PLCB1: variants seen among roughly 807,000 people sequenced by gnomAD.
The protein encoded by PLCB1 is 1-phosphatidylinositol 4,5-bisphosphate phosphodiesterase beta-1.
Under a neutral mutation model 161.8 loss-of-function variants are expected in PLCB1, and 46 were observed. That is an observed-to-expected ratio of 0.28 (90% CI 0.22 to 0.36). The LOEUF is 0.36. Ranked by LOEUF, PLCB1 falls within the 10% of genes least tolerant of loss-of-function variation. The probability of loss-of-function intolerance (pLI) is 1.00; values close to 1 mark genes in which losing one functional copy is unlikely to be tolerated. For missense variants in PLCB1, 1,016 were observed against 1,472.5 expected, an observed-to-expected ratio of 0.69 and a Z score of 5.07; for synonymous variants, 517 against 503.7, an observed-to-expected ratio of 1.03 and a Z score of -0.35.
chr20:8,229,889 T>TA (rs1979916971), intron 2 of PLCB1, among the ~76,000 whole-genome samples: 4 of 144,432 alleles, frequency 2.8e-5, no homozygotes, highest in Non-Finnish European at 4.6e-5. Flanking sequence ...AAAATAAAAA[T>TA]AAAATAAAAA....
intron 3 of PLCB1, among the ~76,000 whole-genome samples, chr20:8,419,171 A>G (rs1411532531): frequency 6.6e-6 from 1 of 152,214 alleles, no homozygotes; most frequent in Admixed American, 6.5e-5. Context: ...TTAATTTGTT[A>G]AAAATGGAAG....
At chr20:8,788,307 A>G (rs1473380983) in intron 27 of PLCB1, 142 bp from the exon 28 acceptor site, 2 of 697,022 alleles carry the variant, frequency 2.9e-6, no homozygotes, top group South Asian at 2.0e-5. Context: ...CTCATTGCCA[A>G]TGTTAGATGT....
chr20:8,698,227 C>T (rs1025502628), intron 11 of PLCB1, among the ~76,000 whole-genome samples: 4 of 152,106 alleles, frequency 2.6e-5, no homozygotes, highest in Non-Finnish European at 5.9e-5. Context: ...CAGAATGTCC[C>T]GTTTACCCTC....
At chr20:8,468,891 C>G (rs1024307449) in intron 3 of PLCB1, among the ~76,000 whole-genome samples, 6 of 152,122 alleles carry the variant, frequency 3.9e-5, no homozygotes, top group African/African-American at 1.4e-4. Context: ...ATGACATAGT[C>G]AGGAAATATT....
At chr20:8,809,704 A>G (rs1003176738) in intron 31 of PLCB1, among the ~76,000 whole-genome samples, 4 of 152,168 alleles carry the variant, frequency 2.6e-5, no homozygotes, top group Admixed American at 6.5e-5. Flanking sequence ...TAAAAACAAA[A>G]TGAAACTTTT....
At chr20:8,581,239 T>C (rs1237841707) in intron 3 of PLCB1, among the ~76,000 whole-genome samples, 4 of 152,192 alleles carry the variant, frequency 2.6e-5, no homozygotes, top group Admixed American at 6.5e-5. Context: ...CTAGGATGTA[T>C]TCATGTAGCT....
At chr20:8,346,246 A>T (rs1289721077) in intron 2 of PLCB1, among the ~76,000 whole-genome samples, 1 of 152,006 alleles carries the variant, frequency 6.6e-6, no homozygotes, top group Non-Finnish European at 1.5e-5. Context: ...CTCTCCCTCC[A>T]TTTTTGCCTG....
At chr20:8,650,126 T>C (rs1989273360) in intron 7 of PLCB1, 1 of 152,120 alleles carries the variant, frequency 6.6e-6, no homozygotes, top group African/African-American at 2.4e-5. Context: ...AGATGACAAT[T>C]TGAAATGTGG....
chr20:8,727,455 C>A, intron 17 of PLCB1, 62 bp downstream of exon 17: 1 of 939,300 alleles, frequency 1.1e-6, no homozygotes, highest in Non-Finnish European at 1.7e-6. Flanking sequence ...GCTATTTGTT[C>A]ATTTGGTTTT....
intron 3 of PLCB1, among the ~76,000 whole-genome samples, chr20:8,475,006 C>G (rs1184832402): frequency 7.7e-6 from 1 of 129,332 alleles, no homozygotes; most frequent in African/African-American, 2.9e-5. Context: ...AGATCACACA[C>G]ACAGACACAC....
chr20:8,644,720 C>CT (rs1306321798), intron 4 of PLCB1, among the ~76,000 whole-genome samples: 18 of 151,352 alleles, frequency 1.2e-4, no homozygotes, highest in Non-Finnish European at 2.5e-4. Context: ...GTCAGCCCCC[C>CT]GCCCTGCCAG....
intron 1 of PLCB1, among the ~76,000 whole-genome samples, chr20:8,139,472 A>G (rs1368606513): frequency 6.6e-6 from 1 of 152,158 alleles, no homozygotes; most frequent in Non-Finnish European, 1.5e-5. Flanking sequence ...AATGTACAAG[A>G]TCACAGAAAG....
rs963618015 is a variant in PLCB1 at position 8,132,357 on chromosome 20, G to A, written c.-295G>A. On this transcript the variant is annotated 5_prime_UTR_variant, in exon 1 of 32. Transcript: ENST00000338037. This position sits in a 1 kb window ranked among gnomAD's most constrained non-coding sequence, Gnocchi z 5.2. ...GGAGCAGAATCCGCCGCGACTGGCA[G>A]CCTCGGCTGACCGGCTCGGCTTCTC... 4.0e-6 allele frequency: 1 copy of A among 247,630 alleles called. No homozygotes were observed. The highest frequency in any genetic ancestry group is 7.7e-6 in the Non-Finnish European group (1 of 130,562). The allele number at this position is 247,630 out of a possible 1,614,324, so 15.3% of individuals were successfully genotyped here. A position where few individuals can be genotyped will look rare whatever the true frequency, so the allele number is the denominator to read the frequency against.
rs142882378 is a variant in PLCB1 at position 8,285,259 on chromosome 20, A to T, written c.178-86123A>T. On this transcript the variant is annotated intron_variant, in intron 2 of 31. Coordinates refer to ENST00000338037, the MANE Select transcript of PLCB1 (RefSeq NM_015192.4). ...TATATATATATATTTCTATACATAT[A>T]AATATAAAATATTTCTAAATATATA... Among the ~76,000 whole-genome samples, 753 of 148,560 alleles carry T rather than the reference A, an allele frequency of 5.1e-3. 8 individuals are homozygous for T. The highest frequency in any genetic ancestry group is 0.018 in the African/African-American group (725 of 40,996).
intron 31 of PLCB1, among the ~76,000 whole-genome samples, chr20:8,852,009 C>T (rs544274195): frequency 2.2e-4 from 33 of 152,214 alleles, no homozygotes; most frequent in South Asian, 8.3e-4. Context: ...TTTAAAAACC[C>T]GACTACAGCT....
intron 3 of PLCB1, among the ~76,000 whole-genome samples, chr20:8,537,639 C>T (rs1489142866): frequency 6.6e-6 from 1 of 152,096 alleles, no homozygotes; most frequent in Non-Finnish European, 1.5e-5. Context: ...ACACCATGAA[C>T]ACAAAATGAA....
At position 8,753,225 on chromosome 20, in the gene PLCB1, A is replaced by G. The variant is rs568979249; in HGVS notation, c.2524-3821A>G. Among the ~76,000 whole-genome samples, 8 of 152,276 alleles carry G rather than the reference A, an allele frequency of 5.3e-5. No homozygotes were observed. The South Asian group carries it at 1.7e-3, about 32-fold the overall frequency. Reference sequence around the variant, plus strand: ...TTATGGTGAGTTGTATAATTATTTCATTATATAGTACAATGTAACAATAAT... The same window carrying G: ...TTATGGTGAGTTGTATAATTATTTCGTTATATAGTACAATGTAACAATAAT... On this transcript the variant is annotated intron_variant, in intron 23 of 31. Coordinates refer to ENST00000338037, the MANE Select transcript of PLCB1 (RefSeq NM_015192.4).
intron 3 of PLCB1, among the ~76,000 whole-genome samples, chr20:8,522,322 G>A (rs1222210290): frequency 6.6e-6 from 1 of 152,084 alleles, no homozygotes; most frequent in Non-Finnish European, 1.5e-5. Flanking sequence ...CCCCATCTCA[G>A]GCTCTGCTTC....
chr20:8,663,622 A>G (rs1452430416), intron 9 of PLCB1, among the ~76,000 whole-genome samples: 1 of 152,162 alleles, frequency 6.6e-6, no homozygotes. Flanking sequence ...ATTTCTGTGC[A>G]GTCTAAGGCC....
Sources: gnomAD v4.1 joint callset for allele counts (sites outside exome capture counted in the v4.1 genomes callset) on GRCh38, gnomAD v4.1.1 for gene constraint, Gnocchi (gnomAD v3.1) non-coding constraint, MANE v1.5 for transcripts, NCBI Gene and HGNC (gene_info 2026-07-23, HGNC 2026-07-21) for gene names.